ALOX15: variants seen among roughly 807,000 people sequenced by gnomAD.
ALOX15 encodes polyunsaturated fatty acid lipoxygenase ALOX15.
In ALOX15, 68 loss-of-function variants were observed where a neutral mutation model predicts 71.7. The observed-to-expected ratio is 0.95, with a 90% confidence interval of 0.78 to 1.16. The LOEUF is 1.16. ALOX15 is among the 50% of genes most tolerant of loss of function. ALOX15 has a pLI of 0.00. For missense variants in ALOX15, 798 were observed against 818.8 expected, an observed-to-expected ratio of 0.97 and a Z score of 0.31; for synonymous variants, 346 against 333.3, an observed-to-expected ratio of 1.04 and a Z score of -0.42.
rs143999901 is a variant in ALOX15 at position 4,637,153 on chromosome 17, A to G, written c.913T>C (p.Leu305=). The stretch of plus-strand genomic sequence containing the variant: ...GGCAAGAGTTTCCCATCAGGCTGCA[A>G]TTTCAGCATGACTAGAGGGGCAGCC... ...HLAAPLVMLK[L]QPDGKLLPMV... is the part of the protein sequence containing the mutation. The change falls in exon 7 of 14, where the codon TTG becomes CTG. Residue 305 remains leucine, a synonymous_variant. Transcript: ENST00000293761. 3.4e-5 allele frequency: 55 copies of G among 1,613,726 alleles called. No homozygotes were observed. The highest frequency in any genetic ancestry group is 2.8e-4 in the African/African-American group (21 of 75,018).
At chr17:4,631,819 C>A in intron 13 of ALOX15, 40 bp from the exon 14 acceptor site, 1 of 1,611,308 alleles carries the variant, frequency 6.2e-7, no homozygotes, top group Non-Finnish European at 8.5e-7. Context: ...GCCTTATGAC[C>A]CCCAGTCTGG....
chr17:4,639,625 C>G lies in ALOX15; in HGVS notation c.142G>C (p.Glu48Gln), dbSNP rs776753182. Residue 48 changes from glutamate to glutamine, a missense_variant, in exon 2 of 14, where the codon GAA becomes CAA. Physicochemically the swap from Glu to Gln is conservative, Grantham distance 29. Coordinates refer to ENST00000293761, the MANE Select transcript of ALOX15 (RefSeq NM_001140.5). ...TACTCCGGTACTTCCACCTTGAGTT[C>G]TGTCTCCTGCGGGCGACAGAAGAGG... ...RLWPARGKET[E>Q]LKVEVPEYLG... is the part of the protein sequence containing the mutation. The G allele has an allele frequency of 6.2e-7, 1 of 1,610,962 alleles. No homozygotes were observed. Among genetic ancestry groups the G allele is most frequent in the Non-Finnish European group, 8.5e-7 (1 of 1,178,646 alleles).
At chr17:4,639,293 C>T in intron 2 of ALOX15, 137 bp downstream of exon 2, 1 of 1,373,798 alleles carries the variant, frequency 7.3e-7, no homozygotes, top group South Asian at 1.3e-5. Context: ...CTGCAGCCAC[C>T]GCCCCTTCGA....
chr17:4,632,536 C>G (rs1298712178), intron 11 of ALOX15, among the ~76,000 whole-genome samples: 1 of 152,148 alleles, frequency 6.6e-6, no homozygotes, highest in East Asian at 1.9e-4. Flanking sequence ...GTTTAGCAAG[C>G]TGGTCAGCAT....
chr17:4,634,970 A>ATAG (rs1056616453), intron 8 of ALOX15, among the ~76,000 whole-genome samples: 2 of 149,854 alleles, frequency 1.3e-5, no homozygotes, highest in East Asian at 2.0e-4. Context: ...AATAATAATA[A>ATAG]TAATAATAAT....
At chr17:4,639,179 T>G (rs757232647) in intron 2 of ALOX15, 47 bp from the exon 3 acceptor site, 5 of 1,605,020 alleles carry the variant, frequency 3.1e-6, no homozygotes, top group Non-Finnish European at 3.4e-6. Context: ...GGTGAGCGCC[T>G]CTTCTTGTCT....
At chr17:4,639,750 T>C in intron 1 of ALOX15, 119 bp from the exon 2 acceptor site, 2 of 1,022,162 alleles carry the variant, frequency 2.0e-6, no homozygotes, top group Non-Finnish European at 1.4e-6. Flanking sequence ...AGGAGACGTA[T>C]CGGGGTGCGG....
Position 4,641,544 on chromosome 17 carries a change from C to T in ALOX15, c.108G>A (p.Gly36=). The change falls in exon 1 of 14, where the codon GGG becomes GGA. Residue 36 remains glycine (G), a synonymous_variant. Transcript: ENST00000293761. ...TGCCCCGTGCGGGCCACAGTCGCTT[C>T]CCGAGCGCCGCCTCCCCGTGCTGGC... ...LVGQHGEAAL[G]KRLWPARGKE... 1 of 1,613,212 alleles carries T rather than the reference C, an allele frequency of 6.2e-7. No individual in the cohort carries two copies. The highest frequency in any genetic ancestry group is 8.5e-7 in the Non-Finnish European group (1 of 1,179,934).
At position 4,632,173 on chromosome 17, in the gene ALOX15, G is replaced by T. The variant is rs533297249; in HGVS notation, c.1641+8C>A. ...CCAAATTCCCAGCTGCCCATCTCTG[G>T]TAAGTACCTGGCCCAGGTGCACAGA... is the stretch of plus-strand genomic sequence containing the variant. On this transcript the variant is annotated splice_region_variant and intron_variant, in intron 12 of 13. Transcript: ENST00000293761. 5.6e-6 allele frequency: 9 copies of T among 1,614,050 alleles called. No individual in the cohort carries two copies. The East Asian group carries it at 2.0e-4, about 36-fold the overall frequency.
Position 4,637,176 on chromosome 17 carries a change from G to C in ALOX15, c.890C>G (p.Ala297Gly). 6.2e-7 allele frequency: 1 copy of C among 1,613,986 alleles called. No homozygotes were observed. The highest frequency in any genetic ancestry group is 8.5e-7 in the Non-Finnish European group (1 of 1,179,926). Residue 297 changes from alanine to glycine, a missense_variant, in exon 7 of 14, where the codon GCT (alanine) becomes GGT (glycine). Physicochemically the swap from Ala to Gly is moderately conservative, Grantham distance 60. Coordinates refer to ENST00000293761, the MANE Select transcript of ALOX15 (RefSeq NM_001140.5). ...NVILCSQQHL[A>G]APLVMLKLQP... ...CAATTTCAGCATGACTAGAGGGGCA[G>C]CCAGGTGCTGCTGGCTACAGAGAAT...
chr17:4,641,437 G>T, intron 1 of ALOX15, 80 bp downstream of exon 1: 1 of 1,538,550 alleles, frequency 6.5e-7, no homozygotes, highest in South Asian at 1.2e-5. Context: ...AGAGGCCAAC[G>T]GGGGCGCATG....
At chr17:4,634,435 T>C (rs993318318) in intron 8 of ALOX15, among the ~76,000 whole-genome samples, 1 of 151,792 alleles carries the variant, frequency 6.6e-6, no homozygotes, top group Non-Finnish European at 1.5e-5. Flanking sequence ...CCCGAGTAGC[T>C]GGGATTACAG....
rs763960968 is a variant in ALOX15, at chr17:4,631,739, G to T, written c.1850C>A (p.Pro617His). 3.1e-6 allele frequency: 5 copies of T among 1,614,130 alleles called. No homozygotes were observed. Among genetic ancestry groups the T allele is most frequent in the Non-Finnish European group, 4.2e-6 (5 of 1,180,034 alleles). The change falls in exon 14 of 14, where the codon CCT becomes CAT. Residue 617 changes from proline to histidine, a missense_variant. Coordinates refer to ENST00000293761, the MANE Select transcript of ALOX15 (RefSeq NM_001140.5). The stretch of plus-strand genomic sequence containing the variant: ...CTTCTTCAGCACAGCCTTAGGCTCA[G>T]GGCCCGAAAAATACTCCTCCTCATG... The part of the protein sequence containing the change: ...GQHEEEYFSG[P>H]EPKAVLKKFR...
chr17:4,634,971 T>A (rs1911046651), intron 8 of ALOX15, among the ~76,000 whole-genome samples: 1 of 149,798 alleles, frequency 6.7e-6, no homozygotes, highest in African/African-American at 2.5e-5. Flanking sequence ...ATAATAATAA[T>A]AATAATAATA....
chr17:4,632,735 GAGA>G, intron 11 of ALOX15, 123 bp downstream of exon 11: 3 of 1,470,074 alleles, frequency 2.0e-6, no homozygotes, highest in Non-Finnish European at 2.8e-6. Flanking sequence ...AGTGGAATCT[GAGA>G]AGGCCTCTGG....
intron 1 of ALOX15, among the ~76,000 whole-genome samples, chr17:4,641,130 C>T (rs1344261228): frequency 6.6e-6 from 1 of 151,106 alleles, no homozygotes; most frequent in African/African-American, 2.4e-5. Context: ...CCCACTCCAC[C>T]CCAGGTGATA....
At position 4,631,644 on chromosome 17, in the gene ALOX15, C is replaced by T. The variant is rs1269621174; in HGVS notation, c.1945G>A (p.Glu649Lys). Residue 649 changes from glutamate to lysine, a missense_variant, in exon 14 of 14, where the codon GAG becomes AAG. Around this residue, in one of 3 missense-constraint regions of ALOX15, gnomAD observed 490 missense variants for 509.4 expected, o/e 0.96. Transcript: ENST00000293761. ...IRNAKLDMPY[E>K]YLRPSVVENS... ...TCCACCACGCTGGGCCGCAGGTACTCGTAGGGCATGTCCAGCTTTGCATTC... is the reference window on the plus strand; with the variant it reads ...TCCACCACGCTGGGCCGCAGGTACTTGTAGGGCATGTCCAGCTTTGCATTC... The T allele has an allele frequency of 1.2e-6, 2 of 1,613,966 alleles. No individual in the cohort carries two copies. The highest frequency in any genetic ancestry group is 1.7e-6 in the Non-Finnish European group (2 of 1,180,036).
Position 4,639,140 on chromosome 17 carries a change from G to A in ALOX15, c.338-8C>T. 12 of 1,614,082 alleles carry A rather than the reference G, an allele frequency of 7.4e-6. No individual in the cohort carries two copies. Among genetic ancestry groups the A allele is most frequent in the Non-Finnish European group, 1.0e-5 (12 of 1,180,012 alleles). On this transcript the variant is annotated splice_region_variant and splice_polypyrimidine_tract_variant and intron_variant, in intron 2 of 13. Transcript: ENST00000293761. ...CCTCGCCCACAGTGCGGCCTAGAAG[G>A]ACAGAGGAGGACTTGGCCAGTGACT...
At chr17:4,637,647 C>T (rs1195190334) in intron 6 of ALOX15, among the ~76,000 whole-genome samples, 2 of 152,182 alleles carry the variant, frequency 1.3e-5, no homozygotes, top group Non-Finnish European at 2.9e-5. Flanking sequence ...CTCCTGGGCT[C>T]AGGTGATCCT....
Sources: gnomAD v4.1 joint callset for allele counts (sites outside exome capture counted in the v4.1 genomes callset) on GRCh38, gnomAD v4.1.1 for gene constraint, gnomAD v4.1.1 regional missense constraint, MANE v1.5 for transcripts, NCBI Gene and HGNC (gene_info 2026-07-23, HGNC 2026-07-21) for gene names.